NCAN: variants seen among roughly 807,000 people sequenced by gnomAD.
The protein encoded by NCAN is neurocan core protein.
NCAN carries 47 observed loss-of-function variants against 121.8 expected under a neutral mutation model. The ratio of observed to expected loss-of-function variants is 0.39; its 90% CI spans 0.31 to 0.49. The LOEUF (loss-of-function observed/expected upper bound fraction) is 0.49. NCAN is among the 20% of genes least tolerant of loss of function. The pLI, the probability that NCAN is intolerant of heterozygous loss-of-function variation, is 0.92. For synonymous variants in NCAN, 633 were observed against 702.0 expected (o/e 0.90, Z 1.55); for missense variants, 1,517 against 1,773.4 (o/e 0.86, Z 2.60).
chr19:19,243,979 C>T (rs140217543), intron 12 of NCAN, among the ~76,000 whole-genome samples: 4 of 152,056 alleles, frequency 2.6e-5, no homozygotes, highest in Non-Finnish European at 2.9e-5. Flanking sequence ...TAGCAGTGAG[C>T]GAGATCGCAC....
chr19:19,252,103 G>A lies in NCAN; in HGVS notation c.*2192G>A, dbSNP rs1397682485. Reference sequence around the variant, plus strand: ...ATGTGCGTGGCACGCATATGAGTGTGTGTGCGTGTGAACGGCTTTGGGTCC... The same window carrying A: ...ATGTGCGTGGCACGCATATGAGTGTATGTGCGTGTGAACGGCTTTGGGTCC... On this transcript the variant is annotated 3_prime_UTR_variant, in exon 15 of 15. Coordinates refer to ENST00000252575, the MANE Select transcript of NCAN (RefSeq NM_004386.3). 6.5e-6 allele frequency: 1 copy of A among 152,934 alleles called. No individual in the cohort carries two copies. Among genetic ancestry groups the A allele is most frequent in the Non-Finnish European group, 1.5e-5 (1 of 68,144 alleles). 9.5% of individuals were successfully genotyped at this position (152,934 alleles called of 1,614,324 possible).
Position 19,227,137 on chromosome 19 carries a change from C to G in NCAN, c.1660+64C>G. On this transcript the variant is annotated intron_variant, in intron 7 of 14. Coordinates refer to ENST00000252575, the MANE Select transcript of NCAN (RefSeq NM_004386.3). The surrounding 1 kb of genome is among the most constrained non-coding windows in gnomAD (Gnocchi z 4.2). The stretch of plus-strand genomic sequence containing the variant: ...CTGGAGGTGAGGGTAGAGAGGTAGC[C>G]ATGGCTACACTCAGAATGAGGGAGG... 6.7e-7 allele frequency: 1 copy of G among 1,492,054 alleles called. No homozygotes were observed. The highest frequency in any genetic ancestry group is 8.9e-7 in the Non-Finnish European group (1 of 1,122,150). The allele number at this position is 1,492,054 out of a possible 1,614,324, so 92.4% of individuals were successfully genotyped here.
rs1425099681 is a variant in NCAN, at chr19:19,239,798, ACTC to A, written c.3410-798_3410-796del. Among the ~76,000 whole-genome samples the A allele has an allele frequency of 2.6e-4, 12 of 46,184 alleles. 1 individual carries two copies. The highest frequency in any genetic ancestry group is 2.3e-3 in the South Asian group (3 of 1,318). 30.3% of individuals were successfully genotyped at this position (46,184 alleles called of 152,430 possible). A position where few individuals can be genotyped will look rare whatever the true frequency, so the allele number is the denominator to read the frequency against. ...CCCCTTGCTCTTCCTCCTCCCTTCC[ACTC>A]CTCCTCTTTTCTCCTCCCCATTCAT... is the stretch of plus-strand genomic sequence containing the variant. On this transcript the variant is annotated intron_variant, in intron 11 of 14. Coordinates refer to ENST00000252575, the MANE Select transcript of NCAN (RefSeq NM_004386.3).
At chr19:19,245,723 C>CT (rs1300658277) in intron 13 of NCAN, among the ~76,000 whole-genome samples, 1 of 152,176 alleles carries the variant, frequency 6.6e-6, no homozygotes, top group African/African-American at 2.4e-5. Context: ...AGCGATCTGC[C>CT]TGTCTCAGCC....
At chr19:19,238,432 GCCA>G (rs1568601204) in intron 11 of NCAN, 21 bp downstream of exon 11, 1 of 1,613,790 alleles carries the variant, frequency 6.2e-7, no homozygotes, top group Non-Finnish European at 8.5e-7. Context: ...TGGGGAGGGG[GCCA>G]CCTGCCTGGA....
rs2060837698 is a variant in NCAN at position 19,226,561 on chromosome 19, A to G, written c.1148A>G (p.Glu383Gly). The G allele has an allele frequency of 1.2e-6, 2 of 1,613,460 alleles. No individual in the cohort carries two copies. The highest frequency in any genetic ancestry group is 1.7e-5 in the Admixed American group (1 of 59,990). ...GATGAGGGGGAGATTCTGTCAGCAG[A>G]GGGGCCCCCAGTTAGAGAACTGGAG... ...SGDEGEILSA[E>G]GPPVRELEPT... Residue 383 changes from glutamate (E) to glycine (G), a missense_variant, in exon 7 of 15, where the codon GAG becomes GGG. Physicochemically the swap from Glu to Gly is moderately conservative, Grantham distance 98 (BLOSUM62 -2). Transcript: ENST00000252575.
chr19:19,217,249 G>A (rs954417868), intron 2 of NCAN, among the ~76,000 whole-genome samples: 1 of 152,176 alleles, frequency 6.6e-6, no homozygotes, highest in Non-Finnish European at 1.5e-5. Context: ...GCCTCTCATC[G>A]TTTTGCTCAG....
Position 19,250,216 on chromosome 19 carries a change from G to C in NCAN, c.*305G>C. 1.8e-6 allele frequency: 1 copy of C among 568,506 alleles called. No individual in the cohort carries two copies. The highest frequency in any genetic ancestry group is 1.5e-5 in the South Asian group (1 of 65,268). 35.2% of individuals were successfully genotyped at this position (568,506 alleles called of 1,614,324 possible). A position where few individuals can be genotyped will look rare whatever the true frequency, so the allele number is the denominator to read the frequency against. ...CATTGGTCTGGTCTCTTGTTTGCCAGGCTGATTGAAGCAGGCCTTGATGAG... is the reference window on the plus strand; with the variant it reads ...CATTGGTCTGGTCTCTTGTTTGCCACGCTGATTGAAGCAGGCCTTGATGAG... On this transcript the variant is annotated 3_prime_UTR_variant, in exon 15 of 15. Coordinates refer to ENST00000252575, the MANE Select transcript of NCAN (RefSeq NM_004386.3).
intron 8 of NCAN, among the ~76,000 whole-genome samples, chr19:19,231,415 G>T (rs779620674): frequency 1.3e-5 from 2 of 149,988 alleles, no homozygotes; most frequent in Non-Finnish European, 3.0e-5. Flanking sequence ...TGCAACCTCC[G>T]CCTCCCAGGT....
rs200706867 is a variant in NCAN at position 19,245,389 on chromosome 19, A to C, written c.3569A>C (p.His1190Pro). Reference sequence around the variant, plus strand: ...GAGGACTGTGTGGTGATGGTGGCGCATGAAAGCGGGCGCTGGAACGATGTC... The same window carrying C: ...GAGGACTGTGTGGTGATGGTGGCGCCTGAAAGCGGGCGCTGGAACGATGTC... ...GGEDCVVMVA[H>P]ESGRWNDVPC... Residue 1190 changes from histidine (H) to proline (P), a missense_variant, in exon 13 of 15, where the codon CAT (histidine) becomes CCT (proline). Physicochemically the swap from His to Pro is moderately conservative, Grantham distance 77. Coordinates refer to ENST00000252575, the MANE Select transcript of NCAN (RefSeq NM_004386.3). 58 of 1,614,132 alleles carry C rather than the reference A, an allele frequency of 3.6e-5. 1 individual carries two copies. In the Middle Eastern group the frequency reaches 6.6e-4, roughly 18 times the overall value.
In NCAN at chr19:19,219,168, A is replaced by T. The variant is rs374320576; in HGVS notation, c.327A>T (p.Gly109=). ...TGAGGGTGGCCAAAAGCTGGCAGGG[A>T]CGAGTGTCACTGCCTTCCTACCCCC... ...NVVRVAKSWQ[G]RVSLPSYPRR... The change falls in exon 3 of 15, where the codon GGA becomes GGT. Residue 109 remains glycine (G), a synonymous_variant. Transcript: ENST00000252575. 3.7e-6 allele frequency: 6 copies of T among 1,613,404 alleles called. No homozygotes were observed. Among genetic ancestry groups the T allele is most frequent in the Non-Finnish European group, 5.1e-6 (6 of 1,180,028 alleles).
chr19:19,224,230 TAGC>T, intron 4 of NCAN, 35 bp downstream of exon 4: 1 of 1,589,696 alleles, frequency 6.3e-7, no homozygotes, highest in Non-Finnish European at 8.6e-7. Context: ...AGATGAAGAC[TAGC>T]TCATGGGGAA....
intron 3 of NCAN, 139 bp from the exon 4 acceptor site, chr19:19,223,875 GCTCCCCA>G: frequency 1.5e-6 from 1 of 669,810 alleles, no homozygotes; most frequent in Non-Finnish European, 2.2e-6. Context: ...TATGGATCTT[GCTCCCCA>G]CCCTCGACCC....
intron 1 of NCAN, among the ~76,000 whole-genome samples, chr19:19,216,620 T>A (rs548870746): frequency 1.3e-5 from 2 of 151,926 alleles, no homozygotes; most frequent in South Asian, 4.2e-4. Flanking sequence ...GCTAATTTTT[T>A]AAATAGAGGT....
Position 19,252,014 on chromosome 19 carries a change from C to G in NCAN, c.*2103C>G, listed in dbSNP as rs1238329437. 6.6e-6 allele frequency: 1 copy of G among 152,560 alleles called. No homozygotes were observed. Among genetic ancestry groups the G allele is most frequent in the African/African-American group, 2.4e-5 (1 of 41,412 alleles). 9.5% of individuals were successfully genotyped at this position (152,560 alleles called of 1,614,324 possible). ...TGGTGGGAGGGGGCTCTGGTCTTTT[C>G]TAAAGTGGGCGGTTTGTCTTTTGAT... is the stretch of plus-strand genomic sequence containing the variant. On this transcript the variant is annotated 3_prime_UTR_variant, in exon 15 of 15. Coordinates refer to ENST00000252575, the MANE Select transcript of NCAN (RefSeq NM_004386.3).
intron 3 of NCAN, among the ~76,000 whole-genome samples, chr19:19,221,154 T>A (rs1399128131): frequency 6.6e-6 from 1 of 151,230 alleles, no homozygotes; most frequent in African/African-American, 2.4e-5. Flanking sequence ...GTGGGAGGAT[T>A]GCTTGAGTCC....
At position 19,249,977 on chromosome 19, in the gene NCAN, C is replaced by G. The variant is rs748850578; in HGVS notation, c.*66C>G. ...CCTCTGGAGCCTTCGCCTGGGGAGACAGAACCCAGAGAGAAACAAGAGAGT... is the reference window on the plus strand; with the variant it reads ...CCTCTGGAGCCTTCGCCTGGGGAGAGAGAACCCAGAGAGAAACAAGAGAGT... On this transcript the variant is annotated 3_prime_UTR_variant, in exon 15 of 15. Coordinates refer to ENST00000252575, the MANE Select transcript of NCAN (RefSeq NM_004386.3). The G allele has an allele frequency of 2.0e-6, 3 of 1,506,264 alleles. No homozygotes were observed. The highest frequency in any genetic ancestry group is 1.8e-6 in the Non-Finnish European group (2 of 1,103,120). 93.3% of individuals were successfully genotyped at this position (1,506,264 alleles called of 1,614,324 possible).
chr19:19,233,929 T>C, intron 9 of NCAN, 24 bp downstream of exon 9: 1 of 1,463,002 alleles, frequency 6.8e-7, no homozygotes, highest in Non-Finnish European at 9.6e-7. Flanking sequence ...ACTCAGGATC[T>C]GAATCTGAAT....
At chr19:19,229,276 C>T (rs2146545069) in intron 8 of NCAN, among the ~76,000 whole-genome samples, 1 of 152,248 alleles carries the variant, frequency 6.6e-6, no homozygotes, top group African/African-American at 2.4e-5. Context: ...GGGATGAGTT[C>T]AGGTACAAGC....
Sources: allele counts gnomAD v4.1 joint callset (sites outside exome capture counted in the v4.1 genomes callset), GRCh38; gene constraint gnomAD v4.1.1; non-coding constraint Gnocchi (gnomAD v3.1); transcripts MANE v1.5; gene names NCBI Gene and HGNC (gene_info 2026-07-23, HGNC 2026-07-21).